TMEM179: variants seen among roughly 807,000 people sequenced by gnomAD.
TMEM179 encodes transmembrane protein 179.
A neutral mutation model predicts 22.2 loss-of-function variants in TMEM179; 17 were observed. That is an observed-to-expected ratio of 0.77 (90% CI 0.52 to 1.15). TMEM179 has a LOEUF of 1.15. Ranked by LOEUF, TMEM179 falls within the 50% of genes most tolerant of loss-of-function variation. The probability of loss-of-function intolerance (pLI) is 0.00; values close to 1 mark genes in which losing one functional copy is unlikely to be tolerated. For synonymous variants in TMEM179, 127 were observed against 140.5 expected, an observed-to-expected ratio of 0.90 and a Z score of 0.68; for missense variants, 265 against 313.6, an observed-to-expected ratio of 0.84 and a Z score of 1.17.
chr14:104,601,575 C>T (rs1400428374), intron 1 of TMEM179, among the ~76,000 whole-genome samples: 1 of 152,024 alleles, frequency 6.6e-6, no homozygotes, highest in East Asian at 2.0e-4. Flanking sequence ...ACCCCACAAG[C>T]CGTCTGCCAA....
chr14:104,601,865 C>T (rs1282898803), intron 1 of TMEM179, among the ~76,000 whole-genome samples: 2 of 152,136 alleles, frequency 1.3e-5, no homozygotes, highest in East Asian at 1.9e-4. Context: ...ATGTAGCCCC[C>T]CTCGACAACC....
In TMEM179 at chr14:104,592,175, A is replaced by C; in HGVS notation, c.*1304T>G. 1 of 155,230 alleles carries C rather than the reference A, an allele frequency of 6.4e-6. No individual in the cohort carries two copies. 9.6% of individuals were successfully genotyped at this position (155,230 alleles called of 1,614,324 possible). A position where few individuals can be genotyped will look rare whatever the true frequency, so the allele number is the denominator to read the frequency against. ...ACAATGCTCACACGCACAGGCGTGC[A>C]CATGCTCACATGCAACACACGCACA... On this transcript the variant is annotated 3_prime_UTR_variant, in exon 4 of 4. Coordinates refer to ENST00000556573, the MANE Select transcript of TMEM179 (RefSeq NM_001286389.2).
At chr14:104,603,135 G>A (rs144242074) in intron 1 of TMEM179, among the ~76,000 whole-genome samples, 16 of 152,274 alleles carry the variant, frequency 1.1e-4, no homozygotes, top group South Asian at 6.2e-4. Context: ...ACCCACAGGC[G>A]CTGGGATTCT....
rs1012844797 is a variant in TMEM179, at chr14:104,595,411, C to T, written c.444-168G>A. ...CACGGAGGGTTAGCCTCGATGCCTC[C>T]TCCATGGAGCAGGACAGCCTTTGGG... On this transcript the variant is annotated intron_variant, in intron 2 of 3. Coordinates refer to ENST00000556573, the MANE Select transcript of TMEM179 (RefSeq NM_001286389.2). This position sits in a 1 kb window ranked among gnomAD's most constrained non-coding sequence, Gnocchi z 5.7. Among the ~76,000 whole-genome samples, 8 of 152,148 alleles carry T rather than the reference C, an allele frequency of 5.3e-5. No individual in the cohort carries two copies. The highest frequency in any genetic ancestry group is 1.9e-4 in the African/African-American group (8 of 41,438).
In TMEM179 at chr14:104,597,576, G is replaced by C. The variant is rs1281693805; in HGVS notation, c.306-449C>G. 6.6e-6 allele frequency among the ~76,000 whole-genome samples: 1 copy of C among 152,156 alleles called. No homozygotes were observed. The highest frequency in any genetic ancestry group is 1.9e-4 in the East Asian group (1 of 5,178). On this transcript the variant is annotated intron_variant, in intron 1 of 3. Transcript: ENST00000556573. This position sits in a 1 kb window ranked among gnomAD's most constrained non-coding sequence, Gnocchi z 4.8. ...GAAAGTGGGGCCTTTGGGAAGAGAG[G>C]AGGTCATGAGGGTGAAGCCTCATGA...
intron 1 of TMEM179, among the ~76,000 whole-genome samples, chr14:104,599,765 C>T (rs1332310187): frequency 6.6e-6 from 1 of 152,168 alleles, no homozygotes; most frequent in Non-Finnish European, 1.5e-5. Context: ...ACCTTTCAGC[C>T]TCCAGAGAGA....
intron 1 of TMEM179, among the ~76,000 whole-genome samples, chr14:104,598,670 C>T (rs1887128747): frequency 6.6e-6 from 1 of 152,184 alleles, no homozygotes; most frequent in Non-Finnish European, 1.5e-5. Flanking sequence ...GCCACAGCGC[C>T]CAACTCAGAG....
In TMEM179 at chr14:104,603,564, CTCACAGAGGGGGTGGGTGGGT is replaced by C. The variant is rs1566747274; in HGVS notation, c.305+852_305+872del. 2.6e-3 allele frequency among the ~76,000 whole-genome samples: 179 copies of C among 69,926 alleles called. 1 individual carries two copies. Among genetic ancestry groups the C allele is most frequent in the Non-Finnish European group, 3.5e-3 (120 of 34,436 alleles). 45.9% of individuals were successfully genotyped at this position (69,926 alleles called of 152,430 possible). A position where few individuals can be genotyped will look rare whatever the true frequency, so the allele number is the denominator to read the frequency against. ...TGGGCTCACAGAGGGGGTGGGTGGGCTCACAGAGGGGGTGGGTGGGTTCACAGAGGGGGTGGGTGGATTCAC... is the reference window on the plus strand; with the variant it reads ...TGGGCTCACAGAGGGGGTGGGTGGGCTCACAGAGGGGGTGGGTGGATTCAC... On this transcript the variant is annotated intron_variant, in intron 1 of 3. Transcript: ENST00000556573.
At chr14:104,594,350 G>A (rs1886945965) in intron 3 of TMEM179, 7 of 1,231,536 alleles carry the variant, frequency 5.7e-6, no homozygotes, top group South Asian at 8.2e-5. Flanking sequence ...GGCCAGCCAC[G>A]GCCAGCAAGA....
rs534794879 is a variant in TMEM179 at position 104,593,412 on chromosome 14, C to A, written c.*67G>T. ...CAGGCAGAGCCCCCCAGCTGCTTCC[C>A]CAGGCAGGCCCGTGCCCCCGAGCGC... is the stretch of plus-strand genomic sequence containing the variant. On this transcript the variant is annotated 3_prime_UTR_variant, in exon 4 of 4. Transcript: ENST00000556573. 2 of 1,525,582 alleles carry A rather than the reference C, an allele frequency of 1.3e-6. No individual in the cohort carries two copies. The highest frequency in any genetic ancestry group is 1.2e-5 in the South Asian group (1 of 83,254). The allele number at this position is 1,525,582 out of a possible 1,614,324, so 94.5% of individuals were successfully genotyped here. A position where few individuals can be genotyped will look rare whatever the true frequency, so the allele number is the denominator to read the frequency against.
Position 104,597,080 on chromosome 14 carries a change from A to G in TMEM179, c.353T>C (p.Val118Ala). Reference protein sequence around the residue: ...FLNLLVSAFVVFLVFIASTIV... With the variant: ...FLNLLVSAFVAFLVFIASTIV... ...GGTGCTGGCAATGAAGACCAGGAAG[A>G]CCACGAAGGCGCTGACCAGGAGGTT... The change falls in exon 2 of 4, where the codon GTC becomes GCC. Residue 118 changes from valine (V) to alanine (A), a missense_variant. Physicochemically the swap from Val to Ala is moderately conservative, Grantham distance 64. Coordinates refer to ENST00000556573, the MANE Select transcript of TMEM179 (RefSeq NM_001286389.2). The surrounding 1 kb of genome is among the most constrained non-coding windows in gnomAD (Gnocchi z 4.8). 5.6e-6 allele frequency: 9 copies of G among 1,608,036 alleles called. No individual in the cohort carries two copies. Among genetic ancestry groups the G allele is most frequent in the Non-Finnish European group, 7.6e-6 (9 of 1,177,926 alleles).
rs535320150 is a variant in TMEM179 at position 104,597,688 on chromosome 14, G to A, written c.306-561C>T. 1.3e-5 allele frequency among the ~76,000 whole-genome samples: 2 copies of A among 152,154 alleles called. No homozygotes were observed. The highest frequency in any genetic ancestry group is 2.9e-5 in the Non-Finnish European group (2 of 68,026). ...AGCAAGAGGAACGGGCCCTCAGCAG[G>A]CATCGAACCTGGATCCCAGCCTGGA... On this transcript the variant is annotated intron_variant, in intron 1 of 3. Transcript: ENST00000556573. This position sits in a 1 kb window ranked among gnomAD's most constrained non-coding sequence, Gnocchi z 4.8.
At position 104,604,371 on chromosome 14, in the gene TMEM179, G is replaced by A; in HGVS notation, c.305+66C>T. ...ACGGAGGGACTCGCGCGCCTCCCCG[G>A]GGAGGTGGGTCTGGGGGCGCTGGGG... On this transcript the variant is annotated intron_variant, in intron 1 of 3. Transcript: ENST00000556573. This position sits in a 1 kb window ranked among gnomAD's most constrained non-coding sequence, Gnocchi z 4.6. 7.1e-7 allele frequency: 1 copy of A among 1,409,922 alleles called. No individual in the cohort carries two copies. Among genetic ancestry groups the A allele is most frequent in the East Asian group, 2.9e-5 (1 of 34,948 alleles). 87.3% of individuals were successfully genotyped at this position (1,409,922 alleles called of 1,614,324 possible).
At chr14:104,596,622 C>A (rs1335184447) in intron 2 of TMEM179, among the ~76,000 whole-genome samples, 1 of 152,166 alleles carries the variant, frequency 6.6e-6, no homozygotes, top group Non-Finnish European at 1.5e-5. Flanking sequence ...GTGGCCACAC[C>A]GAGCCTCCCA....
At chr14:104,593,806 C>T (rs934179272) in intron 3 of TMEM179, 148 bp from the exon 4 acceptor site, 46 of 923,514 alleles carry the variant, frequency 5.0e-5, no homozygotes, top group Non-Finnish European at 6.6e-5. Flanking sequence ...AGGGCCAGCT[C>T]CTGAAGACCC....
Position 104,604,457 on chromosome 14 carries a change from G to A in TMEM179, c.285C>T (p.Phe95=). 1.3e-6 allele frequency: 2 copies of A among 1,580,018 alleles called. No individual in the cohort carries two copies. Among genetic ancestry groups the A allele is most frequent in the Non-Finnish European group, 1.7e-6 (2 of 1,167,888 alleles). The change falls in exon 1 of 4, where the codon TTC becomes TTT. Residue 95 remains phenylalanine, a synonymous_variant. Coordinates refer to ENST00000556573, the MANE Select transcript of TMEM179 (RefSeq NM_001286389.2). This position sits in a 1 kb window ranked among gnomAD's most constrained non-coding sequence, Gnocchi z 4.6. The part of the protein sequence containing the change: ...AAAHAWRTLF[F]LCKGHEGSFF... Reference sequence around the variant, plus strand: ...CTTACCCCTCGTGTCCCTTGCAGAGGAAGAAGAGCGTGCGCCAGGCGTGCG... The same window carrying A: ...CTTACCCCTCGTGTCCCTTGCAGAGAAAGAAGAGCGTGCGCCAGGCGTGCG...
Position 104,593,541 on chromosome 14 carries a change from G to T in TMEM179, c.640C>A (p.Leu214Met), listed in dbSNP as rs1197435566. The T allele has an allele frequency of 1.3e-6, 2 of 1,535,082 alleles. No individual in the cohort carries two copies. Among genetic ancestry groups the T allele is most frequent in the African/African-American group, 2.7e-5 (2 of 73,038 alleles). Reference sequence around the variant, plus strand: ...CGTGGGGACGGCCGGGCCAGCAGCAGCTCCTTCTCGTGGATCAGGCTGTCC... The same window carrying T: ...CGTGGGGACGGCCGGGCCAGCAGCATCTCCTTCTCGTGGATCAGGCTGTCC... ...LLDSLIHEKE[L>M]LLARPSPRTS... The change falls in exon 4 of 4, where the codon CTG (leucine) becomes ATG (methionine). Residue 214 changes from leucine to methionine, a missense_variant. Transcript: ENST00000556573.
chr14:104,597,166 C>T lies in TMEM179; in HGVS notation c.306-39G>A, dbSNP rs778714886. On this transcript the variant is annotated intron_variant, in intron 1 of 3. Coordinates refer to ENST00000556573, the MANE Select transcript of TMEM179 (RefSeq NM_001286389.2). This position sits in a 1 kb window ranked among gnomAD's most constrained non-coding sequence, Gnocchi z 4.8. The stretch of plus-strand genomic sequence containing the variant: ...CAGGAGGGGCAGGCTCACTGGACAC[C>T]ACCTCCCAGGCGACCCCCGCCCCCA... 2 of 1,547,660 alleles carry T rather than the reference C, an allele frequency of 1.3e-6. No homozygotes were observed. The highest frequency in any genetic ancestry group is 2.4e-5 in the South Asian group (2 of 84,116).
chr14:104,604,544 G>T lies in TMEM179; in HGVS notation c.198C>A (p.Gly66=). 1 of 1,538,596 alleles carries T rather than the reference G, an allele frequency of 6.5e-7. No individual in the cohort carries two copies. Among genetic ancestry groups the T allele is most frequent in the Non-Finnish European group, 8.7e-7 (1 of 1,145,530 alleles). Residue 66 remains glycine (G), a synonymous_variant, in exon 1 of 4, where the codon GGC becomes GGA. Coordinates refer to ENST00000556573, the MANE Select transcript of TMEM179 (RefSeq NM_001286389.2). This position sits in a 1 kb window ranked among gnomAD's most constrained non-coding sequence, Gnocchi z 4.6. The part of the protein sequence containing the change: ...ERERFTVQEW[G]PPAACRFSLL... ...GGCTGAAGCGGCAGGCGGCCGGCGG[G>T]CCCCACTCCTGCACCGTGAAGCGCT...
Sources: allele counts gnomAD v4.1 joint callset (sites outside exome capture counted in the v4.1 genomes callset), GRCh38; gene constraint gnomAD v4.1.1; non-coding constraint Gnocchi (gnomAD v3.1); transcripts MANE v1.5; gene names NCBI Gene and HGNC (gene_info 2026-07-23, HGNC 2026-07-21).